Variants in SCML4 observed in about 807,000 individuals in gnomAD.
The protein encoded by SCML4 is sex comb on midleg-like protein 4.
A neutral mutation model predicts 41.1 loss-of-function variants in SCML4; 34 were observed. The ratio of observed to expected loss-of-function variants is 0.83; its 90% confidence interval spans 0.63 to 1.10. SCML4 has a LOEUF of 1.10. SCML4 is among the 50% of genes least tolerant of loss of function. SCML4 has a pLI of 0.00. For missense variants in SCML4, 522 were observed against 534.1 expected, an observed-to-expected ratio of 0.98 and a Z score of 0.22; for synonymous variants, 214 against 220.9, an observed-to-expected ratio of 0.97 and a Z score of 0.28.
intron 1 of SCML4, among the ~76,000 whole-genome samples, chr6:107,781,796 A>G (rs1415769144): frequency 6.6e-6 from 1 of 152,152 alleles, no homozygotes; most frequent in Non-Finnish European, 1.5e-5. Context: ...TAGTAGATGA[A>G]GCTTCTAGAT....
chr6:107,779,392 T>C (rs1781306740), intron 1 of SCML4, among the ~76,000 whole-genome samples: 2 of 151,910 alleles, frequency 1.3e-5, no homozygotes, highest in African/African-American at 4.8e-5. Flanking sequence ...AGCTAGGATT[T>C]TCCCGGGCAG....
intron 6 of SCML4, among the ~76,000 whole-genome samples, chr6:107,718,204 C>T (rs944662602): frequency 2.0e-5 from 3 of 152,190 alleles, no homozygotes; most frequent in African/African-American, 7.2e-5. Context: ...AAGGATGGAG[C>T]CAGTTGGAGA....
chr6:107,712,842 T>C (rs1303946083), intron 6 of SCML4, among the ~76,000 whole-genome samples: 4 of 152,144 alleles, frequency 2.6e-5, no homozygotes, highest in African/African-American at 7.2e-5. Flanking sequence ...CTGGTGCAGC[T>C]GCAGCAGGCA....
chr6:107,746,653 C>T, intron 4 of SCML4, 36 bp downstream of exon 4: 5 of 1,583,142 alleles, frequency 3.2e-6, no homozygotes, highest in Non-Finnish European at 4.3e-6. Flanking sequence ...AGAGAGACAT[C>T]CATGGCCTCC....
Position 107,703,846 on chromosome 6 carries a change from A to G in SCML4, c.*1354T>C, listed in dbSNP as rs921852109. 3.9e-5 allele frequency among the ~76,000 whole-genome samples: 6 copies of G among 152,252 alleles called. No homozygotes were observed. Among genetic ancestry groups the G allele is most frequent in the African/African-American group, 1.4e-4 (6 of 41,472 alleles). ...AACACTGTTGATGTCCTTTTAAGGA[A>G]GAGAATATGCACATGGCAAAGGCGA... On this transcript the variant is annotated 3_prime_UTR_variant, in exon 8 of 8. Transcript: ENST00000369020.
chr6:107,805,228 T>C (rs1430159131), intron 1 of SCML4, among the ~76,000 whole-genome samples: 1 of 152,170 alleles, frequency 6.6e-6, no homozygotes, highest in Non-Finnish European at 1.5e-5. Context: ...CCCCCAAATC[T>C]GAAATGTTCT....
chr6:107,819,106 C>T (rs896264372), intron 1 of SCML4, among the ~76,000 whole-genome samples: 4 of 152,094 alleles, frequency 2.6e-5, no homozygotes, highest in Non-Finnish European at 2.9e-5. Flanking sequence ...TGAACTGCAC[C>T]GGGGGTACAA....
intron 1 of SCML4, among the ~76,000 whole-genome samples, chr6:107,778,887 A>C (rs1296660556): frequency 6.6e-6 from 1 of 152,184 alleles, no homozygotes; most frequent in African/African-American, 2.4e-5. Context: ...AAATAAAAAT[A>C]AGACACATCC....
chr6:107,791,915 T>A (rs985377692), intron 1 of SCML4, among the ~76,000 whole-genome samples: 1 of 152,076 alleles, frequency 6.6e-6, no homozygotes, highest in Non-Finnish European at 1.5e-5. Flanking sequence ...AAGACATTGA[T>A]CTAACCACTG....
chr6:107,795,938 A>T (rs1021872137), intron 1 of SCML4, among the ~76,000 whole-genome samples: 4 of 152,240 alleles, frequency 2.6e-5, no homozygotes, highest in Admixed American at 2.6e-4. Context: ...AAATAGAATC[A>T]TATAATGTAT....
At chr6:107,832,234 G>C in the SCML4 span, among the ~76,000 whole-genome samples, 1 of 150,682 alleles carries the variant, frequency 6.6e-6, no homozygotes, top group African/African-American at 2.5e-5. Flanking sequence ...GAAAGACTCT[G>C]TCTCAAACAA....
At chr6:107,846,033 C>T in the SCML4 span, among the ~76,000 whole-genome samples, 5 of 152,244 alleles carry the variant, frequency 3.3e-5, no homozygotes, top group East Asian at 7.7e-4. Context: ...AGCCCGGAGC[C>T]GGCCTCAGAC....
At chr6:107,707,757 C>A (rs1394804236) in intron 7 of SCML4, 109 bp downstream of exon 7, 7 of 1,397,794 alleles carry the variant, frequency 5.0e-6, no homozygotes, top group Non-Finnish European at 5.9e-6. Flanking sequence ...TAGTTTAGAG[C>A]ACCCCTCCAC....
In SCML4 at chr6:107,704,956, A is replaced by G. The variant is rs1773461414; in HGVS notation, c.*244T>C. On this transcript the variant is annotated 3_prime_UTR_variant, in exon 8 of 8. Transcript: ENST00000369020. ...TTTAAGAGAAACCAGCATAACAGGG[A>G]TGTTAAAAATCACAGGCTTTTGTAA... 1 of 566,584 alleles carries G rather than the reference A, an allele frequency of 1.8e-6. No homozygotes were observed. Among genetic ancestry groups the G allele is most frequent in the Non-Finnish European group, 3.1e-6 (1 of 319,612 alleles). 35.1% of individuals were successfully genotyped at this position (566,584 alleles called of 1,614,324 possible). A position where few individuals can be genotyped will look rare whatever the true frequency, so the allele number is the denominator to read the frequency against.
At chr6:107,841,651 C>G in the SCML4 span, among the ~76,000 whole-genome samples, 1 of 152,180 alleles carries the variant, frequency 6.6e-6, no homozygotes, top group Non-Finnish European at 1.5e-5. Flanking sequence ...CAAATATATG[C>G]AAAGTGCTTA....
At chr6:107,799,927 T>G (rs966426308) in intron 1 of SCML4, among the ~76,000 whole-genome samples, 2 of 152,106 alleles carry the variant, frequency 1.3e-5, no homozygotes, top group Non-Finnish European at 2.9e-5. Flanking sequence ...GCCCATTATC[T>G]GATGATTGCA....
upstream of SCML4, among the ~76,000 whole-genome samples, chr6:107,826,799 C>T (rs556677587): frequency 6.6e-6 from 1 of 152,228 alleles, no homozygotes; most frequent in African/African-American, 2.4e-5. Flanking sequence ...CGCGGTGGCT[C>T]ACGCCTGTAA....
intron 2 of SCML4, among the ~76,000 whole-genome samples, chr6:107,752,211 G>A (rs1164078154): frequency 1.3e-5 from 2 of 152,006 alleles, no homozygotes; most frequent in Non-Finnish European, 2.9e-5. Context: ...TTTTGTTGTT[G>A]TTGTTTATTT....
the SCML4 span, among the ~76,000 whole-genome samples, chr6:107,844,321 C>T: frequency 1.3e-5 from 2 of 152,156 alleles, no homozygotes; most frequent in African/African-American, 4.8e-5. Context: ...GTAGAATGGT[C>T]TTCTATCACA....
Sources: allele counts gnomAD v4.1 joint callset (sites outside exome capture counted in the v4.1 genomes callset), GRCh38; gene constraint gnomAD v4.1.1; transcripts MANE v1.5; gene names NCBI Gene and HGNC (gene_info 2026-07-23, HGNC 2026-07-21).